The following DOCK11 variants were observed in gnomAD, a reference collection of about 807,000 sequenced individuals.
DOCK11 encodes dedicator of cytokinesis 11.
Under a neutral mutation model 169.1 loss-of-function variants are expected in DOCK11, and 70 were observed. The ratio of observed to expected loss-of-function variants is 0.41; its 90% confidence interval spans 0.34 to 0.51. The LOEUF (loss-of-function observed/expected upper bound fraction) is 0.51. Among genes scored for constraint, DOCK11 ranks in the 20% least tolerant of loss-of-function variants. The pLI, the probability that DOCK11 is intolerant of heterozygous loss-of-function variation, is 0.10. For synonymous variants in DOCK11, 529 were observed against 541.3 expected (o/e 0.98, Z 0.32); for missense variants, 1,166 against 1,538.8 (o/e 0.76, Z 4.05).
intron 44 of DOCK11, among the ~76,000 whole-genome samples, chrX:118,657,084 C>G (rs1290650342): frequency 9.0e-6 from 1 of 111,327 alleles, no homozygotes; most frequent in African/African-American, 3.3e-5. Flanking sequence ...TAAAGCTAAG[C>G]AAAAATCAAG....
At chrX:118,589,169 A>G (rs1362559708) in intron 18 of DOCK11, among the ~76,000 whole-genome samples, 1 of 111,714 alleles carries the variant, frequency 9.0e-6, no homozygotes, top group Admixed American at 9.5e-5. Flanking sequence ...ACAGGCTGGA[A>G]TGCCCCTGAC....
At position 118,639,512 on chromosome X, in the gene DOCK11, C is replaced by G; in HGVS notation, c.4079C>G (p.Ser1360Ter). The part of the protein sequence containing the change: ...SQTMPALRNR[S>*]GVMQARLQHL... ...ACCATGCCTGCTCTTCGAAACAGAT[C>G]AGGAGTAATGCAGGCCCGGCTTCAG... is the stretch of plus-strand genomic sequence containing the variant. Residue 1360 changes from serine to a stop codon, truncating the protein, a stop_gained, in exon 38 of 53, where the codon TCA becomes TGA. Coordinates refer to ENST00000276202, the MANE Select transcript of DOCK11 (RefSeq NM_144658.4). LOFTEE classifies it high-confidence loss of function. 8.3e-7 allele frequency: 1 copy of G among 1,210,997 alleles called. No individual in the cohort carries two copies. The highest frequency in any genetic ancestry group is 1.1e-6 in the Non-Finnish European group (1 of 895,029).
chrX:118,545,403 G>C lies in DOCK11; in HGVS notation c.462+11G>C, dbSNP rs762168988. The C allele has an allele frequency of 8.6e-7, 1 of 1,162,444 alleles. No homozygotes were observed. The highest frequency in any genetic ancestry group is 3.0e-5 in the East Asian group (1 of 33,207). On this transcript the variant is annotated intron_variant, in intron 5 of 52. Coordinates refer to ENST00000276202, the MANE Select transcript of DOCK11 (RefSeq NM_144658.4). ...TGTGAGAAAGATGAGGTAAGAATGG[G>C]GGCAACAGTTGGGGTAACTGTGCTA...
chrX:118,508,923 C>T (rs981010319), intron 1 of DOCK11, among the ~76,000 whole-genome samples: 1 of 112,424 alleles, frequency 8.9e-6, no homozygotes, highest in African/African-American at 3.2e-5. Context: ...TTCCTTTGCT[C>T]AGTACTGCCC....
At chrX:118,595,616 T>C (rs1022126252) in intron 20 of DOCK11, among the ~76,000 whole-genome samples, 3 of 112,163 alleles carry the variant, frequency 2.7e-5, no homozygotes, top group African/African-American at 9.7e-5. Flanking sequence ...AAAGCTAAAT[T>C]ACTGATTCAT....
At chrX:118,661,760 G>A (rs769850523) in intron 44 of DOCK11, among the ~76,000 whole-genome samples, 1 of 112,004 alleles carries the variant, frequency 8.9e-6, no homozygotes, top group African/African-American at 3.2e-5. Flanking sequence ...ATGTTCCCCT[G>A]TCTAGAATCT....
intron 19 of DOCK11, among the ~76,000 whole-genome samples, chrX:118,590,952 C>T (rs1362871507): frequency 8.9e-6 from 1 of 112,339 alleles, no homozygotes; most frequent in Non-Finnish European, 1.9e-5. Flanking sequence ...CTGTGTGCTT[C>T]CCAGCATGTC....
At chrX:118,500,314 C>T in intron 1 of DOCK11, among the ~76,000 whole-genome samples, 1 of 111,653 alleles carries the variant, frequency 9.0e-6, no homozygotes. Context: ...TCTCAAAGTG[C>T]TGGGATTACA....
At chrX:118,498,153 A>AT (rs2057550100) in intron 1 of DOCK11, among the ~76,000 whole-genome samples, 1 of 112,538 alleles carries the variant, frequency 8.9e-6, no homozygotes, top group African/African-American at 3.2e-5. Context: ...TGTGAACCAC[A>AT]TTGAGATTTT....
At chrX:118,638,359 T>G (rs1356805520) in intron 37 of DOCK11, among the ~76,000 whole-genome samples, 3 of 112,148 alleles carry the variant, frequency 2.7e-5, no homozygotes, top group Non-Finnish European at 3.8e-5. Context: ...TGTGAGATGC[T>G]TATCTTTTCT....
chrX:118,648,693 C>T (rs1418231198), intron 40 of DOCK11, among the ~76,000 whole-genome samples: 2 of 103,938 alleles, frequency 1.9e-5, no homozygotes, highest in African/African-American at 7.0e-5. Context: ...CTTCTCAGAT[C>T]TATAGCATTT....
At chrX:118,508,967 A>C (rs1253795981) in intron 1 of DOCK11, among the ~76,000 whole-genome samples, 1 of 112,062 alleles carries the variant, frequency 8.9e-6, no homozygotes, top group Non-Finnish European at 1.9e-5. Flanking sequence ...TCTCATATTC[A>C]GAGCCCAGGT....
intron 23 of DOCK11, 68 bp downstream of exon 23, chrX:118,599,296 G>GAAA: frequency 1.4e-6 from 1 of 706,562 alleles, no homozygotes; most frequent in Non-Finnish European, 2.0e-6. Flanking sequence ...ATTTTGGTGT[G>GAAA]AAAAAAAAAA....
Position 118,584,851 on chromosome X carries a change from A to G in DOCK11, c.1712A>G (p.Tyr571Cys). The G allele has an allele frequency of 1.7e-6, 2 of 1,193,959 alleles. No homozygotes were observed. The highest frequency in any genetic ancestry group is 3.8e-5 in the South Asian group (2 of 53,314). Residue 571 changes from tyrosine (Y) to cysteine (C), a missense_variant, in exon 15 of 53, where the codon TAT (tyrosine) becomes TGT (cysteine). Coordinates refer to ENST00000276202, the MANE Select transcript of DOCK11 (RefSeq NM_144658.4). ...SEDILKLLSE[Y>C]KKPEKTKLQI... ...GACATTCTCAAGTTGCTCTCAGAAT[A>G]TAAGAAGTAAGTGTTTGGTGTTTCT... is the stretch of plus-strand genomic sequence containing the variant.
intron 1 of DOCK11, among the ~76,000 whole-genome samples, chrX:118,536,525 C>T (rs1292414382): frequency 8.9e-6 from 1 of 111,825 alleles, no homozygotes; most frequent in Admixed American, 9.5e-5. Context: ...TCTGAGACCA[C>T]ATAAATCGAT....
rs1387725384 is a variant in DOCK11, at chrX:118,654,895, C to A, written c.4912-9C>A. 8.3e-7 allele frequency: 1 copy of A among 1,207,488 alleles called. No homozygotes were observed. Among genetic ancestry groups the A allele is most frequent in the African/African-American group, 1.7e-5 (1 of 57,244 alleles). Reference sequence around the variant, plus strand: ...TTCTGACAGTTCTTTCTCTGTCATCCTTTTTCAGGCTGCGATGTGTTATGT... The same window carrying A: ...TTCTGACAGTTCTTTCTCTGTCATCATTTTTCAGGCTGCGATGTGTTATGT... On this transcript the variant is annotated splice_polypyrimidine_tract_variant and intron_variant, in intron 43 of 52. Coordinates refer to ENST00000276202, the MANE Select transcript of DOCK11 (RefSeq NM_144658.4).
At chrX:118,534,716 G>A (rs1019452995) in intron 1 of DOCK11, among the ~76,000 whole-genome samples, 1 of 111,810 alleles carries the variant, frequency 8.9e-6, no homozygotes, top group Non-Finnish European at 1.9e-5. Flanking sequence ...TAGCTTGGAA[G>A]GCATACGTGT....
At chrX:118,572,264 T>G in intron 10 of DOCK11, 59 bp from the exon 11 acceptor site, 1 of 1,030,972 alleles carries the variant, frequency 9.7e-7, no homozygotes, top group Non-Finnish European at 1.3e-6. Flanking sequence ...TGTATATTGA[T>G]GTAAATCAAT....
chrX:118,622,026 T>G (rs1342930950), intron 31 of DOCK11, among the ~76,000 whole-genome samples: 2 of 112,015 alleles, frequency 1.8e-5, no homozygotes, highest in Admixed American at 1.9e-4. Flanking sequence ...CCTGTATAGT[T>G]CTTGTACCCA....
Sources: gnomAD v4.1 joint callset for allele counts (sites outside exome capture counted in the v4.1 genomes callset) on GRCh38, gnomAD v4.1.1 for gene constraint, MANE v1.5 for transcripts, NCBI Gene and HGNC (gene_info 2026-07-23, HGNC 2026-07-21) for gene names.